Variants in KATNBL1 observed in about 807,000 individuals in gnomAD.
KATNBL1 encodes the protein KATNB1-like protein 1.
A neutral mutation model predicts 44.7 loss-of-function variants in KATNBL1; 28 were observed. That is an observed-to-expected ratio of 0.63 (90% confidence interval 0.46 to 0.86). The LOEUF (loss-of-function observed/expected upper bound fraction) is 0.86. KATNBL1 is among the 40% of genes least tolerant of loss of function. The pLI, the probability that KATNBL1 is intolerant of heterozygous loss-of-function variation, is 0.00. For synonymous variants in KATNBL1, 78 were observed against 114.9 expected, an observed-to-expected ratio of 0.68 and a Z score of 2.06; for missense variants, 272 against 350.7, an observed-to-expected ratio of 0.78 and a Z score of 1.79.
intron 2 of KATNBL1, chr15:34,154,939 G>A: frequency 2.2e-6 from 1 of 448,152 alleles, no homozygotes; most frequent in Non-Finnish European, 4.1e-6. Context: ...AACTAATTCT[G>A]ATAGGCTATC....
chr15:34,181,758 A>ATATATACACATATATATG (rs1889556631), intron 1 of KATNBL1, among the ~76,000 whole-genome samples: 1 of 70,116 alleles, frequency 1.4e-5, no homozygotes, highest in African/African-American at 7.5e-5. Context: ...CCATATATAT[A>ATATATACACATATATATG]TCCATATATA....
intron 1 of KATNBL1, among the ~76,000 whole-genome samples, chr15:34,184,795 G>T (rs1234531374): frequency 6.6e-6 from 1 of 151,228 alleles, no homozygotes; most frequent in Non-Finnish European, 1.5e-5. Flanking sequence ...GGATGGTCTC[G>T]ATCTCCTGAC....
At chr15:34,181,571 TC>T (rs201523678) in intron 1 of KATNBL1, among the ~76,000 whole-genome samples, 23 of 138,200 alleles carry the variant, frequency 1.7e-4, no homozygotes, top group African/African-American at 6.1e-4. Context: ...CATATATATA[TC>T]CATATATATA....
intron 2 of KATNBL1, among the ~76,000 whole-genome samples, chr15:34,159,458 C>G (rs1888733526): frequency 6.6e-6 from 1 of 152,188 alleles, no homozygotes; most frequent in South Asian, 2.1e-4. Context: ...GGCTTCTTTA[C>G]AGGCAGTATT....
intron 1 of KATNBL1, among the ~76,000 whole-genome samples, chr15:34,166,950 A>C (rs540113090): frequency 6.6e-6 from 1 of 152,362 alleles, no homozygotes; most frequent in East Asian, 1.9e-4. Flanking sequence ...AGTCACCAAC[A>C]TCAAACACCA....
intron 1 of KATNBL1, among the ~76,000 whole-genome samples, chr15:34,205,633 G>T (rs979018789): frequency 6.6e-6 from 1 of 152,134 alleles, no homozygotes; most frequent in African/African-American, 2.4e-5. Flanking sequence ...TAGGAATGAT[G>T]GGTTGTACTC....
At chr15:34,153,647 T>G (rs1489807376) in intron 3 of KATNBL1, among the ~76,000 whole-genome samples, 1 of 152,110 alleles carries the variant, frequency 6.6e-6, no homozygotes, top group Non-Finnish European at 1.5e-5. Flanking sequence ...CTCAGCTCAC[T>G]GCAACCTCCA....
chr15:34,180,108 T>G (rs926417930), intron 1 of KATNBL1, among the ~76,000 whole-genome samples: 6 of 152,212 alleles, frequency 3.9e-5, no homozygotes, highest in Non-Finnish European at 5.9e-5. Flanking sequence ...CCCTTTGAAC[T>G]TATTCCTCCC....
At chr15:34,160,117 C>T (rs1033298495) in intron 2 of KATNBL1, among the ~76,000 whole-genome samples, 19 of 152,188 alleles carry the variant, frequency 1.2e-4, no homozygotes, top group African/African-American at 4.1e-4. Flanking sequence ...TTTTCTCATT[C>T]GGGACATTTT....
At chr15:34,198,037 G>C (rs919530871) in intron 1 of KATNBL1, among the ~76,000 whole-genome samples, 3 of 152,164 alleles carry the variant, frequency 2.0e-5, no homozygotes, top group African/African-American at 7.2e-5. Context: ...TTATAAGTGT[G>C]AGCCACCGCA....
At chr15:34,155,450 T>C (rs576927033) in intron 2 of KATNBL1, among the ~76,000 whole-genome samples, 1 of 152,306 alleles carries the variant, frequency 6.6e-6, no homozygotes, top group Non-Finnish European at 1.5e-5. Flanking sequence ...ACTGCTACAA[T>C]TGCAAGAGAA....
chr15:34,206,181 T>C (rs964073768), intron 1 of KATNBL1, among the ~76,000 whole-genome samples: 8 of 152,170 alleles, frequency 5.3e-5, no homozygotes, highest in Non-Finnish European at 7.3e-5. Context: ...CTTAAGAGTA[T>C]GCTAGTGGGC....
intron 1 of KATNBL1, among the ~76,000 whole-genome samples, chr15:34,184,323 T>G (rs1889654811): frequency 9.7e-6 from 1 of 103,410 alleles, no homozygotes; most frequent in South Asian, 3.6e-4. Flanking sequence ...AAAAATTAGC[T>G]GGGCGTGGTG....
chr15:34,192,396 T>G (rs917079421), intron 1 of KATNBL1, among the ~76,000 whole-genome samples: 1 of 124,306 alleles, frequency 8.0e-6, no homozygotes, highest in Non-Finnish European at 1.6e-5. Context: ...AGAGTGAGAC[T>G]CCATCTCAAA....
intron 1 of KATNBL1, among the ~76,000 whole-genome samples, chr15:34,179,005 C>T (rs1233299389): frequency 6.6e-6 from 1 of 152,052 alleles, no homozygotes; most frequent in African/African-American, 2.4e-5. Flanking sequence ...CTAAGAAAGC[C>T]AAGGCTGATC....
intron 1 of KATNBL1, chr15:34,198,368 C>T (rs1450442172): frequency 6.6e-6 from 1 of 152,116 alleles, no homozygotes; most frequent in South Asian, 2.1e-4. Context: ...AATTATAATA[C>T]AATATGTCAA....
chr15:34,148,829 T>G, intron 4 of KATNBL1, 79 bp from the exon 5 acceptor site: 1 of 794,846 alleles, frequency 1.3e-6, no homozygotes, highest in South Asian at 1.5e-5. Flanking sequence ...ATCGTTCTGG[T>G]AGACATAGTT....
At position 34,191,154 on chromosome 15, in the gene KATNBL1, C is replaced by CATATATATATATATATAT. The variant is rs57428240; in HGVS notation, c.-15+18779_-15+18796dup. Among the ~76,000 whole-genome samples the CATATATATATATATATAT allele has an allele frequency of 3.8e-3, 521 of 136,000 alleles. 4 individuals are homozygous for CATATATATATATATATAT. Among genetic ancestry groups the CATATATATATATATATAT allele is most frequent in the Middle Eastern group, 8.2e-3 (2 of 244 alleles). 89.2% of individuals were successfully genotyped at this position (136,000 alleles called of 152,430 possible). On this transcript the variant is annotated intron_variant, in intron 1 of 9. Coordinates refer to ENST00000256544, the MANE Select transcript of KATNBL1 (RefSeq NM_024713.3). ...CAAAAATTTCATATAAATCATAGAC[C>CATATATATATATATATAT]ATATATATATATATATATATATATA...
At chr15:34,199,039 A>G (rs944011178) in intron 1 of KATNBL1, among the ~76,000 whole-genome samples, 2 of 152,244 alleles carry the variant, frequency 1.3e-5, no homozygotes, top group Admixed American at 6.5e-5. Context: ...AAAGAGAAAT[A>G]GAGACAAATA....
Sources: allele counts gnomAD v4.1 joint callset (sites outside exome capture counted in the v4.1 genomes callset), GRCh38; gene constraint gnomAD v4.1.1; transcripts MANE v1.5; gene names NCBI Gene and HGNC (gene_info 2026-07-23, HGNC 2026-07-21).